TMTC2: variants seen among roughly 807,000 people sequenced by gnomAD.
The protein encoded by TMTC2 is protein O-mannosyl-transferase TMTC2.
TMTC2 carries 43 observed loss-of-function variants against 82.4 expected under a neutral mutation model. That is an observed-to-expected ratio of 0.52 (90% CI 0.41 to 0.67). The LOEUF (loss-of-function observed/expected upper bound fraction) is 0.67. Among genes scored for constraint, TMTC2 ranks in the 30% least tolerant of loss-of-function variants. The pLI is 0.00. For missense variants in TMTC2, 919 were observed against 1,012.4 expected (o/e 0.91, Z 1.25); for synonymous variants, 408 against 381.9 (o/e 1.07, Z -0.80).
intron 1 of TMTC2, among the ~76,000 whole-genome samples, chr12:82,764,519 A>T (rs1382496017): frequency 6.6e-6 from 1 of 152,114 alleles, no homozygotes; most frequent in Non-Finnish European, 1.5e-5. Flanking sequence ...CTCTCACAAA[A>T]TCCAACAGAT....
intron 3 of TMTC2, among the ~76,000 whole-genome samples, chr12:82,902,227 C>T (rs536405772): frequency 2.0e-5 from 3 of 150,636 alleles, no homozygotes; most frequent in South Asian, 2.1e-4. Context: ...GTTGGGGTCC[C>T]GGGAAGGAAA....
At chr12:82,701,586 T>A (rs1873083890) in intron 1 of TMTC2, among the ~76,000 whole-genome samples, 1 of 134,300 alleles carries the variant, frequency 7.4e-6, no homozygotes. Flanking sequence ...ACCCCGTCTT[T>A]ACTAAAAAAA....
At chr12:82,990,487 T>A (rs892711582) in intron 8 of TMTC2, among the ~76,000 whole-genome samples, 3 of 152,178 alleles carry the variant, frequency 2.0e-5, no homozygotes, top group Non-Finnish European at 4.4e-5. Context: ...AAAAATGTCC[T>A]TTTCCTCTCT....
intron 2 of TMTC2, among the ~76,000 whole-genome samples, chr12:82,861,270 A>G (rs2137121408): frequency 1.3e-5 from 2 of 152,338 alleles, no homozygotes. Flanking sequence ...GAATTTGGCC[A>G]GTTTTGATTG....
intron 1 of TMTC2, among the ~76,000 whole-genome samples, chr12:82,690,178 G>A (rs556589986): frequency 1.3e-5 from 2 of 152,296 alleles, no homozygotes; most frequent in East Asian, 3.9e-4. Flanking sequence ...TGAAGGGGGA[G>A]GAAAGCTGGG....
At chr12:83,058,344 A>C (rs2137467606) in intron 10 of TMTC2, among the ~76,000 whole-genome samples, 1 of 151,996 alleles carries the variant, frequency 6.6e-6, no homozygotes, top group Admixed American at 6.6e-5. Flanking sequence ...CTAAAGACTT[A>C]AAATATAATC....
chr12:83,009,323 G>C (rs1472711046), intron 8 of TMTC2, among the ~76,000 whole-genome samples: 4 of 152,090 alleles, frequency 2.6e-5, no homozygotes, highest in African/African-American at 7.2e-5. Flanking sequence ...GGTGATGGTT[G>C]AGTACCCCCT....
Position 82,970,907 on chromosome 12 carries a change from T to C in TMTC2, c.1948+3910T>C, listed in dbSNP as rs541520618. On this transcript the variant is annotated intron_variant, in intron 7 of 11. Coordinates refer to ENST00000321196, the MANE Select transcript of TMTC2 (RefSeq NM_152588.3). ...ACCTAACTTGGTTTCATTAATAGAGTGCTTCCTCCAAATTAAGATTGTCCT... is the reference window on the plus strand; with the variant it reads ...ACCTAACTTGGTTTCATTAATAGAGCGCTTCCTCCAAATTAAGATTGTCCT... Among the ~76,000 whole-genome samples the C allele has an allele frequency of 2.6e-5, 4 of 152,282 alleles. No individual in the cohort carries two copies. In the South Asian group the frequency reaches 8.3e-4, roughly 32 times the overall value.
chr12:83,083,274 C>G (rs1883534862), intron 11 of TMTC2, among the ~76,000 whole-genome samples: 1 of 152,210 alleles, frequency 6.6e-6, no homozygotes. Flanking sequence ...CATTATCTGT[C>G]TCTGGTTCAA....
At chr12:82,712,241 C>G (rs1873661555) in intron 1 of TMTC2, among the ~76,000 whole-genome samples, 1 of 152,042 alleles carries the variant, frequency 6.6e-6, no homozygotes, top group African/African-American at 2.4e-5. Context: ...ACCAGCCCAG[C>G]CAATGTGGTG....
chr12:83,053,829 A>G (rs530505135), intron 10 of TMTC2, among the ~76,000 whole-genome samples: 2 of 152,286 alleles, frequency 1.3e-5, no homozygotes, highest in South Asian at 4.1e-4. Context: ...GCAGGTTTAC[A>G]TTAAAAACAT....
chr12:82,995,909 A>G (rs1383219901), intron 8 of TMTC2, among the ~76,000 whole-genome samples: 2 of 152,206 alleles, frequency 1.3e-5, no homozygotes, highest in African/African-American at 2.4e-5. Flanking sequence ...AGGGACTGGT[A>G]TGAAAGTTGT....
intron 3 of TMTC2, among the ~76,000 whole-genome samples, chr12:82,906,397 G>A (rs1425242598): frequency 6.6e-6 from 1 of 152,154 alleles, no homozygotes. Context: ...AGACACGGTG[G>A]CTCAAGTCTG....
At position 82,896,382 on chromosome 12, in the gene TMTC2, C is replaced by G. The variant is rs1345845579; in HGVS notation, c.1219C>G (p.Pro407Ala). The G allele has an allele frequency of 6.2e-7, 1 of 1,614,116 alleles. No homozygotes were observed. Among genetic ancestry groups the G allele is most frequent in the Non-Finnish European group, 8.5e-7 (1 of 1,180,028 alleles). Residue 407 changes from proline to alanine, a missense_variant, in exon 3 of 12, where the codon CCT (proline) becomes GCT (alanine). Physicochemically the swap from Pro to Ala is conservative, Grantham distance 27 (BLOSUM62 -1). Coordinates refer to ENST00000321196, the MANE Select transcript of TMTC2 (RefSeq NM_152588.3). The part of the protein sequence containing the change: ...SLSLLIIPFV[P>A]ATNLFFYVGF... ...ATCTTTGTTAATCATACCCTTTGTT[C>G]CTGCCACGAACCTGTTTTTCTATGT...
At chr12:83,094,101 A>G (rs1883938173) in intron 11 of TMTC2, among the ~76,000 whole-genome samples, 1 of 152,210 alleles carries the variant, frequency 6.6e-6, no homozygotes, top group Non-Finnish European at 1.5e-5. Context: ...TTTGAGGAGC[A>G]CACAGTTTTG....
At chr12:82,743,029 G>T (rs1043403062) in intron 1 of TMTC2, among the ~76,000 whole-genome samples, 2 of 152,154 alleles carry the variant, frequency 1.3e-5, no homozygotes, top group Non-Finnish European at 2.9e-5. Flanking sequence ...AATTTTTTCT[G>T]CAGTTGCAAT....
At chr12:82,859,167 A>C (rs1871407449) in intron 2 of TMTC2, among the ~76,000 whole-genome samples, 1 of 151,290 alleles carries the variant, frequency 6.6e-6, no homozygotes, top group Non-Finnish European at 1.5e-5. Flanking sequence ...CCCCAGGTTC[A>C]AGCAATTCTC....
Position 82,899,753 on chromosome 12 carries a change from T to A in TMTC2, c.1483+3107T>A, listed in dbSNP as rs1270557803. The stretch of plus-strand genomic sequence containing the variant: ...TATATATATGTGGAATATATATATA[T>A]AAGAATATATATGTGGAATATATAT... On this transcript the variant is annotated intron_variant, in intron 3 of 11. Transcript: ENST00000321196. Among the ~76,000 whole-genome samples the A allele has an allele frequency of 4.8e-5, 7 of 144,334 alleles. No individual in the cohort carries two copies. In the East Asian group the frequency reaches 1.4e-3, roughly 29 times the overall value. 94.7% of individuals were successfully genotyped at this position (144,334 alleles called of 152,430 possible). A position where few individuals can be genotyped will look rare whatever the true frequency, so the allele number is the denominator to read the frequency against.
chr12:82,718,561 A>T (rs1237746080), intron 1 of TMTC2, among the ~76,000 whole-genome samples: 1 of 152,170 alleles, frequency 6.6e-6, no homozygotes, highest in Non-Finnish European at 1.5e-5. Context: ...AGCTTTTGGG[A>T]TACTGTGAAC....
Sources: allele counts gnomAD v4.1 joint callset (sites outside exome capture counted in the v4.1 genomes callset), GRCh38; gene constraint gnomAD v4.1.1; transcripts MANE v1.5; gene names NCBI Gene and HGNC (gene_info 2026-07-23, HGNC 2026-07-21).